Variants in EXOC4 observed in about 807,000 individuals in gnomAD.
EXOC4 encodes exocyst complex component 4, also known as SEC8-like 1.
A neutral mutation model predicts 107.2 loss-of-function variants in EXOC4; 71 were observed. That is an observed-to-expected ratio of 0.66 (90% confidence interval 0.55 to 0.81). The LOEUF is 0.81. Ranked by LOEUF, EXOC4 falls within the 30% of genes least tolerant of loss-of-function variation. The pLI is 0.00. For synonymous variants in EXOC4, 456 were observed against 441.2 expected, an observed-to-expected ratio of 1.03 and a Z score of -0.42; for missense variants, 1,108 against 1,189.6, an observed-to-expected ratio of 0.93 and a Z score of 1.01.
At chr7:133,833,418 C>T (rs1028566125) in intron 11 of EXOC4, among the ~76,000 whole-genome samples, 3 of 152,150 alleles carry the variant, frequency 2.0e-5, no homozygotes, top group Non-Finnish European at 4.4e-5. Flanking sequence ...GAGCTAAACC[C>T]GAAGGAGTGT....
rs933439412 is a variant in EXOC4 at position 133,518,293 on chromosome 7, C to CT, written c.1417+38165dup. ...GGTAAGAAATTTTGCCCCCCACCCC[C>CT]TTTTTTTTTTCGTTACAGTCTTCTA... On this transcript the variant is annotated intron_variant, in intron 9 of 17. Coordinates refer to ENST00000253861, the MANE Select transcript of EXOC4 (RefSeq NM_021807.4). Among the ~76,000 whole-genome samples, 37 of 146,132 alleles carry CT rather than the reference C, an allele frequency of 2.5e-4. No homozygotes were observed. In the East Asian group the frequency reaches 3.4e-3, roughly 13 times the overall value.
intron 14 of EXOC4, among the ~76,000 whole-genome samples, chr7:133,941,704 A>T (rs1180473988): frequency 6.6e-6 from 1 of 152,096 alleles, no homozygotes; most frequent in African/African-American, 2.4e-5. Context: ...AAAGTCACAG[A>T]CTTAATTGAA....
chr7:133,262,849 T>A (rs1247167313), intron 1 of EXOC4, among the ~76,000 whole-genome samples: 1 of 138,532 alleles, frequency 7.2e-6, no homozygotes, highest in East Asian at 2.0e-4. Context: ...CCCTGATGGT[T>A]TGGCTGTGTC....
chr7:133,961,120 G>A (rs1226983899), intron 14 of EXOC4, among the ~76,000 whole-genome samples: 1 of 152,026 alleles, frequency 6.6e-6, no homozygotes, highest in African/African-American at 2.4e-5. Context: ...AGACAGAAAA[G>A]TAGATTAGAG....
At chr7:133,578,195 C>T (rs1054080603) in intron 9 of EXOC4, among the ~76,000 whole-genome samples, 2 of 152,020 alleles carry the variant, frequency 1.3e-5, no homozygotes, top group Non-Finnish European at 2.9e-5. Flanking sequence ...CCCTTTTGGT[C>T]CTATTTATCC....
At chr7:133,597,240 A>G (rs1275676176) in intron 9 of EXOC4, among the ~76,000 whole-genome samples, 1 of 152,134 alleles carries the variant, frequency 6.6e-6, no homozygotes, top group Non-Finnish European at 1.5e-5. Flanking sequence ...TTCAGGGCTG[A>G]TATGACAGCC....
intron 9 of EXOC4, among the ~76,000 whole-genome samples, chr7:133,563,740 C>T (rs1458273210): frequency 6.6e-6 from 1 of 152,128 alleles, no homozygotes; most frequent in Non-Finnish European, 1.5e-5. Context: ...AGATGAAGAC[C>T]TTTCAAAATA....
chr7:133,930,808 T>G (rs1800159972), intron 13 of EXOC4: 2 of 152,130 alleles, frequency 1.3e-5, no homozygotes, highest in African/African-American at 4.8e-5. Context: ...ACTAGCCTGT[T>G]AGGTCTTATT....
intron 17 of EXOC4, among the ~76,000 whole-genome samples, chr7:134,062,165 AG>A (rs373789673): frequency 8.1e-4 from 123 of 152,256 alleles, no homozygotes; most frequent in African/African-American, 2.9e-3. Context: ...CTTGCAGGAG[AG>A]CTTCATTAAC....
At chr7:133,516,346 C>A (rs1799875075) in intron 9 of EXOC4, among the ~76,000 whole-genome samples, 1 of 152,060 alleles carries the variant, frequency 6.6e-6, no homozygotes. Context: ...TGTCAACAGT[C>A]ACTCCCTCTT....
At chr7:133,669,882 C>A (rs1793908681) in intron 10 of EXOC4, among the ~76,000 whole-genome samples, 1 of 152,122 alleles carries the variant, frequency 6.6e-6, no homozygotes, top group Non-Finnish European at 1.5e-5. Context: ...ATTTTTATAT[C>A]AAAACATTTT....
chr7:133,538,203 C>T (rs1800310984), intron 9 of EXOC4, among the ~76,000 whole-genome samples: 2 of 152,114 alleles, frequency 1.3e-5, no homozygotes, highest in Non-Finnish European at 2.9e-5. Flanking sequence ...AAAATAAGAG[C>T]ATTCTTTTGC....
At chr7:133,688,499 AAAG>A (rs1424466210) in intron 10 of EXOC4, among the ~76,000 whole-genome samples, 2 of 152,204 alleles carry the variant, frequency 1.3e-5, no homozygotes, top group African/African-American at 4.8e-5. Flanking sequence ...ACTGATAAGA[AAAG>A]AAATGGTGCC....
intron 17 of EXOC4, among the ~76,000 whole-genome samples, chr7:134,036,709 C>T (rs1287583735): frequency 1.3e-5 from 2 of 152,170 alleles, no homozygotes; most frequent in African/African-American, 4.8e-5. Context: ...ATAGATTTTA[C>T]ATTTACATAT....
At chr7:133,931,074 T>G (rs1380427197) in intron 13 of EXOC4, among the ~76,000 whole-genome samples, 2 of 152,212 alleles carry the variant, frequency 1.3e-5, no homozygotes, top group African/African-American at 4.8e-5. Flanking sequence ...TGGTCAATTA[T>G]TTGATAATTA....
chr7:133,865,719 GGA>G (rs1407310262), intron 11 of EXOC4, among the ~76,000 whole-genome samples: 1 of 152,088 alleles, frequency 6.6e-6, no homozygotes, highest in Non-Finnish European at 1.5e-5. Context: ...TTGCAGAGCA[GGA>G]GAGAGAGAGC....
intron 5 of EXOC4, among the ~76,000 whole-genome samples, chr7:133,344,953 G>A (rs1795751535): frequency 6.6e-6 from 1 of 152,020 alleles, no homozygotes; most frequent in African/African-American, 2.4e-5. Context: ...CAGTTGTTTT[G>A]GATTTTGGTC....
intron 9 of EXOC4, among the ~76,000 whole-genome samples, chr7:133,541,308 T>G (rs1800375070): frequency 6.6e-6 from 1 of 152,148 alleles, no homozygotes; most frequent in African/African-American, 2.4e-5. Context: ...CGTTTGAATA[T>G]TGGTCACTGT....
At chr7:133,888,794 G>A (rs1182183574) in intron 11 of EXOC4, among the ~76,000 whole-genome samples, 1 of 152,272 alleles carries the variant, frequency 6.6e-6, no homozygotes, top group South Asian at 2.1e-4. Context: ...ATACTTAGAG[G>A]AGCAAAGCCT....
Sources: allele counts gnomAD v4.1 joint callset (sites outside exome capture counted in the v4.1 genomes callset), GRCh38; gene constraint gnomAD v4.1.1; transcripts MANE v1.5; gene names NCBI Gene and HGNC (gene_info 2026-07-23, HGNC 2026-07-21).